The following EIF5A variants were observed in gnomAD, a reference collection of about 807,000 sequenced individuals.
EIF5A encodes the protein eukaryotic translation initiation factor 5A-1.
In EIF5A, 1 loss-of-function variant was observed where a neutral mutation model predicts 16.6. That is an observed-to-expected ratio of 0.06 (90% confidence interval 0.02 to 0.28). The LOEUF (loss-of-function observed/expected upper bound fraction) is 0.28. Among genes scored for constraint, EIF5A ranks in the 10% least tolerant of loss-of-function variants. The pLI, the probability that EIF5A is intolerant of heterozygous loss-of-function variation, is 1.00. For missense variants in EIF5A, 29 were observed against 196.1 expected (o/e 0.15, Z 5.09); for synonymous variants, 80 against 73.6 (o/e 1.09, Z -0.44).
chr17:7,308,644 A>G (rs2072713019), intron 1 of EIF5A: 15 of 1,309,008 alleles, frequency 1.1e-5, no homozygotes, highest in Middle Eastern at 2.1e-4. Flanking sequence ...CAGGAGCCCA[A>G]CTTTTCTGTC....
At chr17:7,310,563 C>T in intron 2 of EIF5A, 1 of 1,083,072 alleles carries the variant, frequency 9.2e-7, no homozygotes, top group Non-Finnish European at 1.1e-6. Context: ...TATTTTCTAG[C>T]TACATAGTTA....
intron 1 of EIF5A, chr17:7,308,385 C>A: frequency 8.2e-7 from 1 of 1,217,464 alleles, no homozygotes; most frequent in Non-Finnish European, 1.0e-6. Context: ...GAGCCGGCAG[C>A]CCCTAGCGCG....
rs1380169177 is a variant in EIF5A at position 7,311,379 on chromosome 17, A to G, written c.300A>G (p.Ser100=). ...TTGGCATCCAGGATGGGTACCTATCACTGCTCCAGGACAGCGGGGAGGTAC... is the reference window on the plus strand; with the variant it reads ...TTGGCATCCAGGATGGGTACCTATCGCTGCTCCAGGACAGCGGGGAGGTAC... ...QLIGIQDGYL[S]LLQDSGEVRE... The change falls in exon 4 of 6, where the codon TCA becomes TCG. Residue 100 remains serine (S), a synonymous_variant. Coordinates refer to ENST00000336458, the MANE Select transcript of EIF5A (RefSeq NM_001970.5). 6.2e-7 allele frequency: 1 copy of G among 1,614,094 alleles called. No homozygotes were observed. Among genetic ancestry groups the G allele is most frequent in the African/African-American group, 1.3e-5 (1 of 75,012 alleles).
In EIF5A at chr17:7,312,460, C is replaced by A; in HGVS notation, c.*650C>A. ...AAACTACAAGTTTAATATGAAGCCC[C>A]CAACTCAGCTGCTTATTTGAATTAA... On this transcript the variant is annotated 3_prime_UTR_variant, in exon 6 of 6. Coordinates refer to ENST00000336458, the MANE Select transcript of EIF5A (RefSeq NM_001970.5). The A allele has an allele frequency of 2.8e-6, 1 of 351,158 alleles. No individual in the cohort carries two copies. 21.8% of individuals were successfully genotyped at this position (351,158 alleles called of 1,614,324 possible).
chr17:7,308,226 C>T (rs2072689670), intron 1 of EIF5A: 2 of 1,023,148 alleles, frequency 2.0e-6, no homozygotes, highest in Non-Finnish European at 1.2e-6. Context: ...GAGGGGGCGG[C>T]CGCGGCACCG....
intron 1 of EIF5A, 175 bp downstream of exon 1, chr17:7,307,927 G>C: frequency 5.1e-6 from 5 of 984,814 alleles, no homozygotes; most frequent in Non-Finnish European, 6.0e-6. Flanking sequence ...GTTGGCGCGC[G>C]GGGTGACGGT....
At chr17:7,309,278 A>G (rs979887029) in intron 1 of EIF5A, among the ~76,000 whole-genome samples, 3 of 150,736 alleles carry the variant, frequency 2.0e-5, no homozygotes, top group African/African-American at 7.3e-5. Flanking sequence ...GGTTGGTTTC[A>G]GTGGCAAGTA....
At chr17:7,307,156 T>C, upstream of EIF5A, 2 of 1,548,308 alleles carry the variant, frequency 1.3e-6, no homozygotes, top group South Asian at 1.2e-5. Flanking sequence ...GTGGGGCGTA[T>C]CCTGAGACGC....
intron 2 of EIF5A, chr17:7,310,192 A>G (rs1290663183): frequency 1.5e-6 from 2 of 1,291,968 alleles, no homozygotes; most frequent in South Asian, 2.5e-5. Context: ...CTCCAATTCT[A>G]CGCCTTCCCC....
intron 1 of EIF5A, chr17:7,308,301 C>T (rs2072694262): frequency 3.5e-6 from 4 of 1,143,290 alleles, no homozygotes; most frequent in Non-Finnish European, 4.4e-6. Context: ...TGGACCGGGG[C>T]CGCATGGCAG....
Position 7,311,805 on chromosome 17 carries a change from TTC to T in EIF5A, c.*12-10_*12-9del. 3 of 1,054,642 alleles carry T rather than the reference TTC, an allele frequency of 2.8e-6. No homozygotes were observed. Among genetic ancestry groups the T allele is most frequent in the Admixed American group, 2.3e-5 (1 of 44,422 alleles). The allele number at this position is 1,054,642 out of a possible 1,614,324, so 65.3% of individuals were successfully genotyped here. Reference sequence around the variant, plus strand: ...GAAGGTATTATCCTGTCTTACTAATTTCTCTCTCCTACCTAGGGTGGCGGTGG... The same window carrying T: ...GAAGGTATTATCCTGTCTTACTAATTTCTCTCCTACCTAGGGTGGCGGTGG... On this transcript the variant is annotated splice_polypyrimidine_tract_variant and intron_variant, in intron 5 of 5. Transcript: ENST00000336458.
chr17:7,307,703 G>C lies in EIF5A; in HGVS notation c.-71G>C, dbSNP rs1241701328. Reference sequence around the variant, plus strand: ...CGGCGGCAGCGGGCTCGGAGGCAGCGGTTGGGCTCGCGGCGAGCGGACGGG... The same window carrying C: ...CGGCGGCAGCGGGCTCGGAGGCAGCCGTTGGGCTCGCGGCGAGCGGACGGG... On this transcript the variant is annotated 5_prime_UTR_variant, in exon 1 of 6. Coordinates refer to ENST00000336458, the MANE Select transcript of EIF5A (RefSeq NM_001970.5). 9.5e-7 allele frequency: 1 copy of C among 1,047,562 alleles called. No individual in the cohort carries two copies. The highest frequency in any genetic ancestry group is 1.7e-5 in the African/African-American group (1 of 57,762). The allele number at this position is 1,047,562 out of a possible 1,614,324, so 64.9% of individuals were successfully genotyped here.
At chr17:7,307,083 C>T (rs575429378), upstream of EIF5A, 145 of 1,603,524 alleles carry the variant, frequency 9.0e-5, 1 homozygote, top group African/African-American at 1.5e-3. Flanking sequence ...CAAGACAAGG[C>T]GCCCACCCCA....
chr17:7,310,008 CG>C (rs951324055), intron 2 of EIF5A: 12 of 1,521,650 alleles, frequency 7.9e-6, no homozygotes, highest in Non-Finnish European at 1.1e-5. Context: ...CTTCTGTCCC[CG>C]CATCATTCTC....
chr17:7,310,253 G>GT (rs1174455474), intron 2 of EIF5A: 2 of 1,289,440 alleles, frequency 1.6e-6, no homozygotes, highest in African/African-American at 3.0e-5. Flanking sequence ...TTGCTGCTTC[G>GT]TTCCCCAGTT....
intron 3 of EIF5A, 83 bp from the exon 4 acceptor site, chr17:7,311,267 C>A: frequency 1.2e-6 from 2 of 1,606,014 alleles, no homozygotes; most frequent in Non-Finnish European, 1.7e-6. Context: ...TGCTATCAGT[C>A]CAGTTTGTCT....
At chr17:7,310,994 T>A in intron 2 of EIF5A, 24 bp from the exon 3 acceptor site, 1 of 1,598,384 alleles carries the variant, frequency 6.3e-7, no homozygotes, top group African/African-American at 1.3e-5. Flanking sequence ...TGGTTGGGTT[T>A]CTCTTTGTGA....
chr17:7,308,265 G>C (rs2072692313), intron 1 of EIF5A: 1 of 1,051,732 alleles, frequency 9.5e-7, no homozygotes, highest in African/African-American at 1.8e-5. Flanking sequence ...GGCTGCCCTC[G>C]GGGTCGCAGG....
intron 1 of EIF5A, among the ~76,000 whole-genome samples, chr17:7,309,406 G>A (rs2072747059): frequency 6.6e-6 from 1 of 152,132 alleles, no homozygotes; most frequent in Admixed American, 6.6e-5. Context: ...ATTTATGGGG[G>A]AGAAACCAGC....
Sources: gnomAD v4.1 joint callset for allele counts (sites outside exome capture counted in the v4.1 genomes callset) on GRCh38, gnomAD v4.1.1 for gene constraint, MANE v1.5 for transcripts, NCBI Gene and HGNC (gene_info 2026-07-23, HGNC 2026-07-21) for gene names.